The following FAM13A variants were observed in gnomAD, a reference collection of about 807,000 sequenced individuals.
The protein encoded by FAM13A is protein FAM13A.
In FAM13A, 76 loss-of-function variants were observed where a neutral mutation model predicts 129.6. The observed-to-expected ratio is 0.59, with a 90% CI of 0.49 to 0.71. The LOEUF is 0.71. FAM13A is among the 30% of genes least tolerant of loss of function. The probability of loss-of-function intolerance (pLI) is 0.00; values close to 1 mark genes in which losing one functional copy is unlikely to be tolerated. For missense variants in FAM13A, 1,108 were observed against 1,249.3 expected (o/e 0.89, Z 1.70); for synonymous variants, 443 against 449.9 (o/e 0.98, Z 0.20).
At chr4:88,731,769 C>G in intron 22 of FAM13A, 1 of 530,416 alleles carries the variant, frequency 1.9e-6, no homozygotes, top group Non-Finnish European at 3.3e-6. Flanking sequence ...ACACGATGCC[C>G]TTTAGAGAGA....
At chr4:88,770,052 C>T (rs1720326376) in intron 11 of FAM13A, among the ~76,000 whole-genome samples, 1 of 151,918 alleles carries the variant, frequency 6.6e-6, no homozygotes, top group Non-Finnish European at 1.5e-5. Flanking sequence ...AGACACTGTC[C>T]CAAAAACAGG....
chr4:88,853,058 A>T (rs1266097400), intron 6 of FAM13A, among the ~76,000 whole-genome samples: 3 of 152,210 alleles, frequency 2.0e-5, no homozygotes, highest in Admixed American at 2.0e-4. Flanking sequence ...TTGTTGTTAC[A>T]TAAAATTTGC....
intron 6 of FAM13A, among the ~76,000 whole-genome samples, chr4:88,871,749 A>G (rs1741437723): frequency 6.6e-6 from 1 of 152,234 alleles, no homozygotes; most frequent in Non-Finnish European, 1.5e-5. Context: ...AGAATTCCCC[A>G]ACTTAGCAAG....
intron 4 of FAM13A, among the ~76,000 whole-genome samples, chr4:88,948,220 C>T (rs975698526): frequency 5.9e-5 from 9 of 152,100 alleles, no homozygotes; most frequent in Admixed American, 1.3e-4. Flanking sequence ...AAAATGGGGG[C>T]TCAGGTTCTG....
At chr4:88,808,705 C>T (rs1273542490) in intron 7 of FAM13A, among the ~76,000 whole-genome samples, 2 of 151,968 alleles carry the variant, frequency 1.3e-5, no homozygotes, top group Admixed American at 6.6e-5. Flanking sequence ...GTAAAAACTC[C>T]GTGTTTTAAT....
chr4:88,801,146 A>G (rs891988757), intron 8 of FAM13A, among the ~76,000 whole-genome samples: 18 of 152,352 alleles, frequency 1.2e-4, no homozygotes, highest in African/African-American at 4.3e-4. Flanking sequence ...AGTTTTCTAC[A>G]TATCAGGAAT....
chr4:89,001,678 G>A (rs963463067), intron 3 of FAM13A, among the ~76,000 whole-genome samples: 10 of 152,058 alleles, frequency 6.6e-5, no homozygotes, highest in African/African-American at 2.4e-4. Flanking sequence ...ATGTGGTACT[G>A]TAAAATTTGC....
intron 4 of FAM13A, among the ~76,000 whole-genome samples, chr4:88,938,861 T>G (rs768057501): frequency 2.0e-5 from 3 of 152,196 alleles, no homozygotes; most frequent in Non-Finnish European, 2.9e-5. Flanking sequence ...TTCAGTAACA[T>G]GTATAACTGA....
chr4:88,748,113 C>T (rs983052860), intron 17 of FAM13A, among the ~76,000 whole-genome samples: 5 of 152,106 alleles, frequency 3.3e-5, no homozygotes, highest in Admixed American at 6.5e-5. Context: ...AGGATGGTCT[C>T]GATCTCCTGA....
At chr4:88,934,239 T>C (rs1211330428) in intron 5 of FAM13A, among the ~76,000 whole-genome samples, 1 of 152,212 alleles carries the variant, frequency 6.6e-6, no homozygotes, top group Non-Finnish European at 1.5e-5. Flanking sequence ...TCACAGAATA[T>C]ATCACCATCT....
chr4:88,813,215 G>GA (rs1390276595), intron 7 of FAM13A, among the ~76,000 whole-genome samples: 1 of 151,862 alleles, frequency 6.6e-6, no homozygotes, highest in African/African-American at 2.4e-5. Context: ...GAGAGTAGGG[G>GA]AAAAAAAATT....
intron 10 of FAM13A, among the ~76,000 whole-genome samples, chr4:88,786,309 C>T (rs1012120965): frequency 2.0e-5 from 3 of 152,146 alleles, no homozygotes; most frequent in Non-Finnish European, 4.4e-5. Context: ...AGCAGGATAT[C>T]GTGACACACT....
intron 7 of FAM13A, among the ~76,000 whole-genome samples, chr4:88,811,394 C>A (rs1729637244): frequency 6.6e-6 from 1 of 152,122 alleles, no homozygotes; most frequent in South Asian, 2.1e-4. Context: ...ACGACTGTGG[C>A]ATTCTTTATC....
rs1317754336 is a variant in FAM13A at position 88,781,277 on chromosome 4, AC to A, written c.1345del (p.Val449SerfsTer38). 1 of 1,612,952 alleles carries A rather than the reference AC, an allele frequency of 6.2e-7. No individual in the cohort carries two copies. ...AAAAGTATTTTTGTGTACCTTTTCG[AC>A]TTCCTGAGTATTCAAAATACAATCA... is the stretch of plus-strand genomic sequence containing the variant. ...LDDCILNTQE[V>X]EKVHKNTFGC... On this transcript the variant is annotated frameshift_variant, in exon 11 of 24. Coordinates refer to ENST00000264344, the MANE Select transcript of FAM13A (RefSeq NM_014883.4). LOFTEE classifies it high-confidence loss of function.
rs60527761 is a variant in FAM13A, at chr4:89,020,506, A to G, written c.381T>C (p.Ser127=). ...GAGGCTGCAACGCTGAGGTGATCAGACTGTCAGGCAGCTCCCTCAGAAACA... is the reference window on the plus strand; with the variant it reads ...GAGGCTGCAACGCTGAGGTGATCAGGCTGTCAGGCAGCTCCCTCAGAAACA... ...LKLFLRELPD[S]LITSALQPRF... is the part of the protein sequence containing the mutation. The change falls in exon 3 of 24, where the codon AGT becomes AGC. Residue 127 remains serine (S), a synonymous_variant. Transcript: ENST00000264344. The G allele has an allele frequency of 1.7e-3, 2,753 of 1,614,020 alleles. 33 individuals are homozygous for G. The African/African-American group carries it at 0.03, about 17-fold the overall frequency.
intron 5 of FAM13A, chr4:88,936,899 T>C (rs940781178): frequency 2.0e-5 from 3 of 152,184 alleles, no homozygotes; most frequent in Admixed American, 2.0e-4. Context: ...TTAATTACCT[T>C]TTAACATTTT....
At chr4:88,955,628 T>C (rs115559069) in intron 4 of FAM13A, among the ~76,000 whole-genome samples, 2,137 of 152,240 alleles carry the variant, frequency 0.014, 54 homozygotes, top group African/African-American at 0.048. Context: ...TAGAGACTTA[T>C]TGGATGGCTT....
At chr4:89,026,430 C>A (rs1057226971) in intron 2 of FAM13A, among the ~76,000 whole-genome samples, 1 of 152,128 alleles carries the variant, frequency 6.6e-6, no homozygotes, top group African/African-American at 2.4e-5. Context: ...AGAACAGAAA[C>A]CTGGCTCTTA....
chr4:88,788,798 TA>T (rs1307728345), intron 9 of FAM13A, among the ~76,000 whole-genome samples: 1 of 152,214 alleles, frequency 6.6e-6, no homozygotes, highest in Non-Finnish European at 1.5e-5. Context: ...ATATATGTTC[TA>T]AATGCTCAGG....
Sources: allele counts gnomAD v4.1 joint callset (sites outside exome capture counted in the v4.1 genomes callset), GRCh38; gene constraint gnomAD v4.1.1; transcripts MANE v1.5; gene names NCBI Gene and HGNC (gene_info 2026-07-23, HGNC 2026-07-21).